Variants in GCSAML observed in about 807,000 individuals in gnomAD.
The protein encoded by GCSAML is germinal center-associated signaling and motility-like protein.
Under a neutral mutation model 13.0 loss-of-function variants are expected in GCSAML, and 9 were observed. The ratio of observed to expected loss-of-function variants is 0.69; its 90% CI spans 0.42 to 1.21. The LOEUF (loss-of-function observed/expected upper bound fraction) is 1.21. Ranked by LOEUF, GCSAML falls within the 50% of genes most tolerant of loss-of-function variation. The pLI, the probability that GCSAML is intolerant of heterozygous loss-of-function variation, is 0.00. For synonymous variants in GCSAML, 37 were observed against 52.9 expected (o/e 0.70, Z 1.31); for missense variants, 143 against 153.4 (o/e 0.93, Z 0.36).
chr1:247,552,268 T>C (rs138573467), intron 1 of GCSAML, among the ~76,000 whole-genome samples: 3 of 152,304 alleles, frequency 2.0e-5, no homozygotes, highest in Non-Finnish European at 2.9e-5. Flanking sequence ...ACAACCAAAA[T>C]GAAGAGGAAA....
chr1:247,570,441 T>C (rs932779828), intron 4 of GCSAML, among the ~76,000 whole-genome samples: 2 of 152,208 alleles, frequency 1.3e-5, no homozygotes, highest in Non-Finnish European at 2.9e-5. Context: ...AACATCTTTA[T>C]TTCTGCCTAC....
Position 247,531,571 on chromosome 1 carries a change from G to A in GCSAML, c.-148+4517G>A, listed in dbSNP as rs369294019. 4 of 1,613,664 alleles carry A rather than the reference G, an allele frequency of 2.5e-6. No individual in the cohort carries two copies. The African/African-American group carries it at 5.3e-5, about 22-fold the overall frequency. ...TCTCTAAATTTGCGCCAGCTTGCCT[G>A]CAGAGCCACAGCAGTTCTCTAATAC... On this transcript the variant is annotated intron_variant, in intron 2 of 5. Coordinates refer to the GCSAML transcript ENST00000366489.
intron 1 of GCSAML, among the ~76,000 whole-genome samples, chr1:247,554,613 C>A (rs1287621523): frequency 6.6e-6 from 1 of 152,086 alleles, no homozygotes; most frequent in Non-Finnish European, 1.5e-5. Context: ...GTGTAGCTTG[C>A]ATTATTATTT....
intron 2 of GCSAML, chr1:247,531,266 G>A (rs556160436): frequency 1.4e-5 from 6 of 418,310 alleles, no homozygotes; most frequent in Admixed American, 4.0e-5. Flanking sequence ...GGATACTGAG[G>A]AACAGCTGAA....
At chr1:247,514,367 A>G (rs953078448) in intron 1 of GCSAML, among the ~76,000 whole-genome samples, 15 of 151,986 alleles carry the variant, frequency 9.9e-5, no homozygotes, top group African/African-American at 3.4e-4. Flanking sequence ...TAGATTTTAG[A>G]TATTAGTCCT....
At chr1:247,546,608 G>T (rs181751289), upstream of GCSAML, among the ~76,000 whole-genome samples, 1 of 151,868 alleles carries the variant, frequency 6.6e-6, no homozygotes, top group Non-Finnish European at 1.5e-5. Context: ...TGATCCACCC[G>T]CCTCGGCCTG....
At chr1:247,509,651 C>G (rs1279384213) in intron 1 of GCSAML, among the ~76,000 whole-genome samples, 1 of 152,176 alleles carries the variant, frequency 6.6e-6, no homozygotes, top group East Asian at 1.9e-4. Flanking sequence ...TCATAAATAG[C>G]TCTTACTATT....
At chr1:247,519,634 A>G (rs1666345788) in intron 1 of GCSAML, among the ~76,000 whole-genome samples, 2 of 152,266 alleles carry the variant, frequency 1.3e-5, no homozygotes, top group Admixed American at 6.5e-5. Context: ...CTAGGTTAGC[A>G]TAAAATGGAT....
chr1:247,556,491 T>TTTTCG, intron 2 of GCSAML, 25 bp downstream of exon 2: 1 of 1,567,484 alleles, frequency 6.4e-7, no homozygotes, highest in African/African-American at 1.4e-5. Flanking sequence ...TCTCAGAGTT[T>TTTTCG]TTTTGTTTTG....
At chr1:247,514,038 T>C (rs1295441238) in intron 1 of GCSAML, among the ~76,000 whole-genome samples, 2 of 151,914 alleles carry the variant, frequency 1.3e-5, no homozygotes, top group African/African-American at 4.8e-5. Context: ...TGGAGTGCAG[T>C]GGTGTGATCT....
upstream of GCSAML, among the ~76,000 whole-genome samples, chr1:247,545,036 C>G (rs1200437688): frequency 6.6e-6 from 1 of 152,034 alleles, no homozygotes; most frequent in Non-Finnish European, 1.5e-5. Flanking sequence ...CATTTGAAGC[C>G]AAATATCCCA....
chr1:247,560,633 A>G (rs180936648), intron 2 of GCSAML, among the ~76,000 whole-genome samples: 1,740 of 152,276 alleles, frequency 0.011, 16 homozygotes, highest in Non-Finnish European at 0.015. Context: ...TGAAAAACAA[A>G]AATTGTACAT....
chr1:247,553,729 G>A (rs1019172494), intron 1 of GCSAML, among the ~76,000 whole-genome samples: 3 of 152,168 alleles, frequency 2.0e-5, no homozygotes, highest in African/African-American at 7.2e-5. Flanking sequence ...GCCTCCCAAG[G>A]AGCTGGGATT....
chr1:247,570,739 C>G (rs1668573670), intron 4 of GCSAML, among the ~76,000 whole-genome samples: 1 of 152,126 alleles, frequency 6.6e-6, no homozygotes, highest in African/African-American at 2.4e-5. Flanking sequence ...TGGTCCAGAG[C>G]TGAGTTCAAG....
At chr1:247,557,350 A>G (rs891580271) in intron 2 of GCSAML, among the ~76,000 whole-genome samples, 2 of 152,188 alleles carry the variant, frequency 1.3e-5, no homozygotes, top group Non-Finnish European at 2.9e-5. Flanking sequence ...AAGACACTCA[A>G]TGGAAAAAAG....
intron 1 of GCSAML, among the ~76,000 whole-genome samples, chr1:247,508,199 T>C (rs1665895304): frequency 1.3e-5 from 2 of 152,234 alleles, no homozygotes; most frequent in Middle Eastern, 3.2e-3. Context: ...TTTTTAATGA[T>C]TGCCATTCTA....
chr1:247,568,301 G>A (rs772895742), intron 4 of GCSAML, among the ~76,000 whole-genome samples: 2 of 152,150 alleles, frequency 1.3e-5, no homozygotes, highest in Non-Finnish European at 2.9e-5. Context: ...GGTTTTTATG[G>A]TTTTAGGTCC....
At chr1:247,549,406 T>C (rs1183905172) in intron 1 of GCSAML, among the ~76,000 whole-genome samples, 186 bp downstream of exon 1, 3 of 152,162 alleles carry the variant, frequency 2.0e-5, no homozygotes, top group Non-Finnish European at 4.4e-5. Flanking sequence ...TCTGGAACAA[T>C]GATAGGTTGC....
intron 1 of GCSAML, among the ~76,000 whole-genome samples, chr1:247,511,509 A>T (rs1666036652): frequency 6.6e-6 from 1 of 152,178 alleles, no homozygotes; most frequent in Admixed American, 6.5e-5. Context: ...CACTCAGCTC[A>T]TTCATATTTA....
Sources: gnomAD v4.1 joint callset for allele counts (sites outside exome capture counted in the v4.1 genomes callset) on GRCh38, gnomAD v4.1.1 for gene constraint, MANE v1.5 for transcripts, NCBI Gene and HGNC (gene_info 2026-07-23, HGNC 2026-07-21) for gene names.